Variants in SVOPL observed in about 807,000 individuals in gnomAD.
SVOPL encodes the protein putative transporter SVOPL.
Under a neutral mutation model 61.0 loss-of-function variants are expected in SVOPL, and 60 were observed. That is an observed-to-expected ratio of 0.98 (90% CI 0.80 to 1.22). The LOEUF (loss-of-function observed/expected upper bound fraction) is 1.22, where lower values mean the gene tolerates loss of function less well. Ranked by LOEUF, SVOPL falls within the 50% of genes most tolerant of loss-of-function variation. SVOPL has a pLI of 0.00. For synonymous variants in SVOPL, 279 were observed against 250.0 expected, an observed-to-expected ratio of 1.12 and a Z score of -1.09; for missense variants, 662 against 643.9, an observed-to-expected ratio of 1.03 and a Z score of -0.30.
At chr7:138,693,891 C>G (rs1023017503) in intron 1 of SVOPL, among the ~76,000 whole-genome samples, 2 of 152,246 alleles carry the variant, frequency 1.3e-5, no homozygotes, top group South Asian at 4.1e-4. Flanking sequence ...AATAGAATCT[C>G]TTACAGCTCA....
intron 14 of SVOPL, among the ~76,000 whole-genome samples, chr7:138,609,296 C>G (rs866356808): frequency 2.0e-5 from 3 of 152,200 alleles, no homozygotes; most frequent in Middle Eastern, 3.4e-3. Flanking sequence ...GACCCCTTCA[C>G]CTACCAATCC....
intron 7 of SVOPL, among the ~76,000 whole-genome samples, chr7:138,656,059 C>T (rs1382366793): frequency 6.6e-6 from 1 of 152,048 alleles, no homozygotes; most frequent in African/African-American, 2.4e-5. Flanking sequence ...AAGGAATTGC[C>T]ACAGCCACCT....
At chr7:138,598,808 G>A (rs987333488) in intron 14 of SVOPL, among the ~76,000 whole-genome samples, 1 of 152,018 alleles carries the variant, frequency 6.6e-6, no homozygotes, top group Non-Finnish European at 1.5e-5. Context: ...GAATAAACAA[G>A]AAATGTATAA....
At chr7:138,640,822 CT>C (rs1439741393) in intron 9 of SVOPL, among the ~76,000 whole-genome samples, 2 of 152,076 alleles carry the variant, frequency 1.3e-5, no homozygotes, top group Non-Finnish European at 2.9e-5. Context: ...TGCTCACTGC[CT>C]GGATGACAGG....
At chr7:138,610,287 AAGAG>A (rs910587567) in intron 14 of SVOPL, among the ~76,000 whole-genome samples, 4 of 151,974 alleles carry the variant, frequency 2.6e-5, no homozygotes, top group African/African-American at 9.7e-5. Context: ...AAAAAAGAAA[AAGAG>A]AGAGAGAGTA....
intron 14 of SVOPL, among the ~76,000 whole-genome samples, chr7:138,616,135 C>T (rs1799289304): frequency 6.6e-6 from 1 of 152,184 alleles, no homozygotes; most frequent in African/African-American, 2.4e-5. Context: ...AACTTCAAGC[C>T]TCCAGAACTA....
rs1366601533 is a variant in SVOPL at position 138,626,065 on chromosome 7, G to T, written c.1182-15C>A. ...TCAGGCCGGCACTAGAAAACAGGAA[G>T]CGGAGAGAAATTATAAAAGGCAGCA... On this transcript the variant is annotated splice_polypyrimidine_tract_variant and intron_variant, in intron 12 of 15. Coordinates refer to ENST00000674285, the MANE Select transcript of SVOPL (RefSeq NM_001139456.2). 1 of 1,613,618 alleles carries T rather than the reference G, an allele frequency of 6.2e-7. No homozygotes were observed. The highest frequency in any genetic ancestry group is 1.3e-5 in the African/African-American group (1 of 74,926).
At chr7:138,655,464 C>CA (rs1801678593) in intron 7 of SVOPL, among the ~76,000 whole-genome samples, 1 of 152,000 alleles carries the variant, frequency 6.6e-6, no homozygotes, top group African/African-American at 2.4e-5. Context: ...AAGATGGCGC[C>CA]ATTCCACTCC....
At chr7:138,673,137 C>T (rs1207441951) in intron 3 of SVOPL, among the ~76,000 whole-genome samples, 1 of 150,726 alleles carries the variant, frequency 6.6e-6, no homozygotes, top group Non-Finnish European at 1.5e-5. Flanking sequence ...CTGTCGATAA[C>T]ATTGATAGAA....
In SVOPL at chr7:138,656,471, C is replaced by A; in HGVS notation, c.511G>T (p.Gly171Cys). The stretch of plus-strand genomic sequence containing the variant: ...ACCTGAGACAAGGGTAACATATAGC[C>A]TCGGTATTTCGTGGGCAAAAATTCA... The part of the protein sequence containing the change: ...KTEFLPTKYR[G>C]YMLPLSQVFW... Residue 171 changes from glycine to cysteine, a missense_variant, in exon 7 of 16, where the codon GGC becomes TGC. By Grantham distance (159) the Gly-to-Cys change is radical. Coordinates refer to ENST00000674285, the MANE Select transcript of SVOPL (RefSeq NM_001139456.2). 1 of 1,613,864 alleles carries A rather than the reference C, an allele frequency of 6.2e-7. No homozygotes were observed. The highest frequency in any genetic ancestry group is 2.2e-5 in the East Asian group (1 of 44,886).
intron 8 of SVOPL, 110 bp downstream of exon 8, chr7:138,648,902 A>T (rs1227429324): frequency 4.0e-6 from 6 of 1,513,984 alleles, no homozygotes; most frequent in Non-Finnish European, 4.4e-6. Context: ...AGCCTGGACA[A>T]CAAAGAGAGA....
chr7:138,612,508 ATTTT>A (rs71178002), intron 14 of SVOPL, among the ~76,000 whole-genome samples: 185 of 70,784 alleles, frequency 2.6e-3, no homozygotes, highest in East Asian at 0.021. Flanking sequence ...GCCAGACTTA[ATTTT>A]TTTTTTTTTT....
intron 1 of SVOPL, among the ~76,000 whole-genome samples, chr7:138,684,002 G>A (rs746343667): frequency 5.9e-5 from 9 of 151,466 alleles, no homozygotes; most frequent in Admixed American, 6.6e-5. Flanking sequence ...GCAGTGAGCC[G>A]AAATCATGCC....
chr7:138,664,530 T>G (rs928475080), intron 4 of SVOPL, among the ~76,000 whole-genome samples: 5 of 128,372 alleles, frequency 3.9e-5, no homozygotes, highest in Admixed American at 3.8e-4. Flanking sequence ...CGCCTAACCC[T>G]CGAGCACCCC....
At chr7:138,688,577 T>C (rs1442472285) in intron 1 of SVOPL, among the ~76,000 whole-genome samples, 1 of 152,204 alleles carries the variant, frequency 6.6e-6, no homozygotes, top group Non-Finnish European at 1.5e-5. Flanking sequence ...GCCAGATCCC[T>C]AAAATTAAAA....
At chr7:138,677,229 C>A (rs2117119579) in intron 3 of SVOPL, among the ~76,000 whole-genome samples, 1 of 152,140 alleles carries the variant, frequency 6.6e-6, no homozygotes, top group South Asian at 2.1e-4. Flanking sequence ...TATCCCTACA[C>A]CCCCTGGACT....
At chr7:138,676,899 C>CTTTTT (rs1191279496) in intron 3 of SVOPL, among the ~76,000 whole-genome samples, 9 of 112,820 alleles carry the variant, frequency 8.0e-5, no homozygotes, top group East Asian at 5.3e-4. Context: ...CTTGGGGTTC[C>CTTTTT]TTTTTTTTTT....
intron 4 of SVOPL, among the ~76,000 whole-genome samples, chr7:138,664,754 TC>T (rs1802181489): frequency 7.4e-6 from 1 of 135,982 alleles, no homozygotes; most frequent in Non-Finnish European, 1.6e-5. Context: ...CTTGCGCCCT[TC>T]CCCCCTCCCC....
intron 13 of SVOPL, among the ~76,000 whole-genome samples, chr7:138,623,160 GCT>G (rs999237404): frequency 6.6e-6 from 1 of 152,098 alleles, no homozygotes; most frequent in Admixed American, 6.5e-5. Flanking sequence ...AAATGAGGTT[GCT>G]CTGACTGAAA....
Sources: gnomAD v4.1 joint callset for allele counts (sites outside exome capture counted in the v4.1 genomes callset) on GRCh38, gnomAD v4.1.1 for gene constraint, MANE v1.5 for transcripts, NCBI Gene and HGNC (gene_info 2026-07-23, HGNC 2026-07-21) for gene names.